The following FRK variants were observed in gnomAD, a reference collection of about 807,000 sequenced individuals.
FRK encodes tyrosine-protein kinase FRK.
Under a neutral mutation model 56.4 loss-of-function variants are expected in FRK, and 51 were observed. That is an observed-to-expected ratio of 0.90 (90% CI 0.72 to 1.14). The LOEUF (loss-of-function observed/expected upper bound fraction) is 1.14. Ranked by LOEUF, FRK falls within the 50% of genes most tolerant of loss-of-function variation. The pLI, the probability that FRK is intolerant of heterozygous loss-of-function variation, is 0.00. For synonymous variants in FRK, 245 were observed against 217.9 expected, an observed-to-expected ratio of 1.12 and a Z score of -1.10; for missense variants, 570 against 601.4, an observed-to-expected ratio of 0.95 and a Z score of 0.55.
chr6:115,956,493 G>A lies in FRK; in HGVS notation c.917C>T (p.Thr306Ile), dbSNP rs755204307. 2 of 1,576,730 alleles carry A rather than the reference G, an allele frequency of 1.3e-6. No homozygotes were observed. The highest frequency in any genetic ancestry group is 1.4e-5 in the African/African-American group (1 of 73,990). Residue 306 changes from threonine (T) to isoleucine (I), a missense_variant, in exon 5 of 8, where the codon ACA becomes ATA. Transcript: ENST00000606080. ...CTLEDPIYII[T>I]ELMRHGSLQE... ...CAGACTTCCATGTCTCATCAACTCTGTAATAATATAAATTGGATCTTCTAA... is the reference window on the plus strand; with the variant it reads ...CAGACTTCCATGTCTCATCAACTCTATAATAATATAAATTGGATCTTCTAA...
chr6:116,091,085 C>T, the FRK span, among the ~76,000 whole-genome samples: 5 of 152,224 alleles, frequency 3.3e-5, no homozygotes, highest in Admixed American at 2.6e-4. Context: ...AAGAAGTTTC[C>T]TACAAAAGTG....
chr6:115,938,066 C>T lies in FRK; in HGVS notation c.*4348G>A, dbSNP rs1415458200. 6.6e-6 allele frequency: 1 copy of T among 152,180 alleles called. No homozygotes were observed. Among genetic ancestry groups the T allele is most frequent in the Non-Finnish European group, 1.5e-5 (1 of 68,040 alleles). The allele number at this position is 152,180 out of a possible 1,614,324, so 9.4% of individuals were successfully genotyped here. A position where few individuals can be genotyped will look rare whatever the true frequency, so the allele number is the denominator to read the frequency against. The stretch of plus-strand genomic sequence containing the variant: ...ATCGCACTTATTCTAAAAGTGATCA[C>T]ATAATTGGAAGTAAAACACTCCTCA... On this transcript the variant is annotated 3_prime_UTR_variant, in exon 8 of 8. Transcript: ENST00000606080.
chr6:116,081,188 AG>A, the FRK span, among the ~76,000 whole-genome samples: 1 of 152,218 alleles, frequency 6.6e-6, no homozygotes, highest in African/African-American at 2.4e-5. Context: ...CACAACATGC[AG>A]GGATTATGGG....
intron 2 of FRK, among the ~76,000 whole-genome samples, chr6:115,969,034 G>C (rs1458753921): frequency 6.6e-6 from 1 of 152,038 alleles, no homozygotes; most frequent in Non-Finnish European, 1.5e-5. Flanking sequence ...CCATAAAATT[G>C]ACTCTATCAC....
chr6:116,025,964 G>A (rs960181462), intron 1 of FRK, among the ~76,000 whole-genome samples: 2 of 152,090 alleles, frequency 1.3e-5, no homozygotes, highest in Non-Finnish European at 2.9e-5. Flanking sequence ...TAAAAAGGGG[G>A]TAATAATAGT....
the FRK span, among the ~76,000 whole-genome samples, chr6:116,096,746 C>G: frequency 7.2e-5 from 11 of 152,214 alleles, no homozygotes; most frequent in Non-Finnish European, 1.3e-4. Flanking sequence ...TAAAAGCTGT[C>G]CACTCCAGCC....
intron 1 of FRK, among the ~76,000 whole-genome samples, chr6:116,049,981 T>A (rs1363778270): frequency 6.6e-6 from 1 of 152,184 alleles, no homozygotes; most frequent in Non-Finnish European, 1.5e-5. Context: ...TTCTTCCAAC[T>A]ATTTGTGTCT....
chr6:116,016,499 T>C (rs1470079015), intron 1 of FRK, among the ~76,000 whole-genome samples: 1 of 152,180 alleles, frequency 6.6e-6, no homozygotes, highest in Admixed American at 6.5e-5. Context: ...TCTTAATCCA[T>C]ACATGACACA....
intron 1 of FRK, among the ~76,000 whole-genome samples, chr6:116,053,012 G>A (rs1262683390): frequency 1.3e-5 from 2 of 152,110 alleles, no homozygotes; most frequent in African/African-American, 4.8e-5. Flanking sequence ...AGGTGTCACT[G>A]TGATTCCTAT....
the FRK span, among the ~76,000 whole-genome samples, chr6:116,073,755 C>T: frequency 5.9e-5 from 9 of 152,244 alleles, no homozygotes; most frequent in Non-Finnish European, 1.2e-4. Context: ...TTAAAATGTG[C>T]TCATAAGTAT....
the FRK span, among the ~76,000 whole-genome samples, chr6:116,069,007 T>G: frequency 9.9e-5 from 15 of 152,206 alleles, no homozygotes; most frequent in Admixed American, 9.2e-4. Context: ...TTCTTGTATA[T>G]GCAATCTCCC....
At chr6:116,018,286 G>T (rs796136959) in intron 1 of FRK, among the ~76,000 whole-genome samples, 1 of 152,148 alleles carries the variant, frequency 6.6e-6, no homozygotes, top group Admixed American at 6.6e-5. Flanking sequence ...GCTCAATTAA[G>T]GCCCATCTAT....
chr6:115,968,884 G>A (rs1035415245), intron 2 of FRK, 145 bp from the exon 3 acceptor site: 41 of 711,202 alleles, frequency 5.8e-5, no homozygotes, highest in Non-Finnish European at 8.8e-5. Flanking sequence ...AAAGATTTAA[G>A]AAAGTTTACA....
At chr6:116,028,936 T>C (rs1776199470) in intron 1 of FRK, among the ~76,000 whole-genome samples, 1 of 152,142 alleles carries the variant, frequency 6.6e-6, no homozygotes, top group East Asian at 1.9e-4. Flanking sequence ...TATGTTGTCA[T>C]TGGAAGGAAA....
chr6:116,058,146 A>T (rs1041728519), intron 1 of FRK, among the ~76,000 whole-genome samples: 6 of 152,176 alleles, frequency 3.9e-5, no homozygotes, highest in East Asian at 1.9e-4. Flanking sequence ...TTATTATTAT[A>T]ATATACATGT....
intron 1 of FRK, among the ~76,000 whole-genome samples, chr6:116,030,475 G>A (rs867707825): frequency 6.6e-6 from 1 of 152,112 alleles, no homozygotes; most frequent in African/African-American, 2.4e-5. Context: ...TGGGTGATAG[G>A]AGCATCTTTT....
chr6:115,979,492 G>T (rs1370114791), intron 2 of FRK, among the ~76,000 whole-genome samples: 1 of 151,990 alleles, frequency 6.6e-6, no homozygotes, highest in African/African-American at 2.4e-5. Flanking sequence ...AATGTAAAAA[G>T]TTATAGTAAG....
intron 2 of FRK, among the ~76,000 whole-genome samples, chr6:115,973,131 C>T (rs1773870956): frequency 6.6e-6 from 1 of 152,176 alleles, no homozygotes; most frequent in Non-Finnish European, 1.5e-5. Context: ...GTATCTGGAA[C>T]ACATCCTTGC....
intron 2 of FRK, among the ~76,000 whole-genome samples, chr6:115,976,205 C>T (rs1773985796): frequency 6.6e-6 from 1 of 152,036 alleles, no homozygotes; most frequent in South Asian, 2.1e-4. Context: ...CACCTTGGAG[C>T]CTTTGAGGTA....
Sources: gnomAD v4.1 joint callset for allele counts (sites outside exome capture counted in the v4.1 genomes callset) on GRCh38, gnomAD v4.1.1 for gene constraint, MANE v1.5 for transcripts, NCBI Gene and HGNC (gene_info 2026-07-23, HGNC 2026-07-21) for gene names.